The following PTPRQ variants were observed in gnomAD, a reference collection of about 807,000 sequenced individuals.
PTPRQ encodes protein tyrosine phosphatase receptor type Q.
PTPRQ carries 199 observed loss-of-function variants against 246.0 expected under a neutral mutation model. The ratio of observed to expected loss-of-function variants is 0.81; its 90% CI spans 0.72 to 0.91. The LOEUF is 0.91. Ranked by LOEUF, PTPRQ falls within the 40% of genes least tolerant of loss-of-function variation. The pLI, the probability that PTPRQ is intolerant of heterozygous loss-of-function variation, is 0.00. For synonymous variants in PTPRQ, 869 were observed against 853.2 expected, an observed-to-expected ratio of 1.02 and a Z score of -0.32; for missense variants, 2,624 against 2,528.4, an observed-to-expected ratio of 1.04 and a Z score of -0.81.
chr12:80,604,257 G>A (rs1164759025), intron 26 of PTPRQ, among the ~76,000 whole-genome samples: 7 of 151,538 alleles, frequency 4.6e-5, no homozygotes, highest in Non-Finnish European at 1.0e-4. Context: ...AGAGGTGTGT[G>A]CAGCAGTGTT....
chr12:80,478,227 C>G (rs1256026271), intron 8 of PTPRQ, among the ~76,000 whole-genome samples: 1 of 150,360 alleles, frequency 6.7e-6, no homozygotes, highest in Non-Finnish European at 1.5e-5. Context: ...TGACCCCTGA[C>G]CCCCGAGCAG....
At chr12:80,610,220 CTGGTT>C (rs1898497362) in intron 27 of PTPRQ, among the ~76,000 whole-genome samples, 2 of 150,406 alleles carry the variant, frequency 1.3e-5, no homozygotes. Context: ...TCACGGTTGG[CTGGTT>C]TGTCTTTTTT....
At chr12:80,520,256 C>T (rs868650786) in intron 17 of PTPRQ, among the ~76,000 whole-genome samples, 5 of 152,060 alleles carry the variant, frequency 3.3e-5, no homozygotes, top group Admixed American at 3.3e-4. Context: ...AATCCTGTGG[C>T]GGTTTCCCCC....
chr12:80,477,592 G>T (rs187669785), intron 8 of PTPRQ, among the ~76,000 whole-genome samples: 1 of 152,314 alleles, frequency 6.6e-6, no homozygotes, highest in African/African-American at 2.4e-5. Flanking sequence ...CAGAAGACGG[G>T]TGATTTCTGC....
intron 20 of PTPRQ, among the ~76,000 whole-genome samples, 179 bp downstream of exon 20, chr12:80,540,123 C>A (rs912954537): frequency 6.6e-6 from 1 of 152,020 alleles, no homozygotes; most frequent in Non-Finnish European, 1.5e-5. Context: ...CTCTTCTGTT[C>A]AAGAAAACTG....
intron 17 of PTPRQ, chr12:80,525,787 G>A (rs1326852755): frequency 6.6e-6 from 1 of 151,770 alleles, no homozygotes; most frequent in Non-Finnish European, 1.5e-5. Flanking sequence ...CCTAAATAAT[G>A]TGGATACTAT....
intron 26 of PTPRQ, among the ~76,000 whole-genome samples, chr12:80,594,345 G>C (rs1897899606): frequency 6.6e-6 from 1 of 152,090 alleles, no homozygotes; most frequent in Admixed American, 6.6e-5. Flanking sequence ...AGTTCATTTG[G>C]TGGCAGTGCA....
At chr12:80,653,594 G>T (rs12318841) in intron 38 of PTPRQ, among the ~76,000 whole-genome samples, 9,190 of 152,190 alleles carry the variant, frequency 0.06, 345 homozygotes, top group South Asian at 0.18. Flanking sequence ...ATACATCTGT[G>T]TGTGTATATA....
At chr12:80,623,032 T>C (rs934175842) in intron 33 of PTPRQ, among the ~76,000 whole-genome samples, 1 of 152,082 alleles carries the variant, frequency 6.6e-6, no homozygotes, top group African/African-American at 2.4e-5. Context: ...AGTTTATTCG[T>C]CTTAAAGAAT....
At chr12:80,617,731 A>C (rs1898816948) in intron 30 of PTPRQ, among the ~76,000 whole-genome samples, 1 of 151,404 alleles carries the variant, frequency 6.6e-6, no homozygotes. Context: ...TCCTAGAGAA[A>C]TTATGTTTTC....
At chr12:80,455,124 G>A (rs1003261443) in intron 3 of PTPRQ, among the ~76,000 whole-genome samples, 5 of 152,090 alleles carry the variant, frequency 3.3e-5, no homozygotes, top group African/African-American at 9.7e-5. Context: ...AGTGAGCTGA[G>A]ATCATGCCAT....
chr12:80,541,532 A>G (rs763634788), intron 20 of PTPRQ, 23 bp from the exon 21 acceptor site: 40 of 1,415,164 alleles, frequency 2.8e-5, no homozygotes, highest in Middle Eastern at 1.8e-4. Context: ...TGATTTTTGT[A>G]TTTTGCCCAT....
At chr12:80,613,921 C>T (rs951865310) in intron 29 of PTPRQ, 85 bp downstream of exon 29, 10 of 1,357,118 alleles carry the variant, frequency 7.4e-6, no homozygotes, top group Non-Finnish European at 8.6e-6. Context: ...AGTTTGTGTA[C>T]ACATGACATT....
chr12:80,551,799 G>T (rs1896482529), intron 25 of PTPRQ, among the ~76,000 whole-genome samples: 1 of 150,844 alleles, frequency 6.6e-6, no homozygotes, highest in African/African-American at 2.4e-5. Flanking sequence ...CATTTATTTA[G>T]CATGCTATTT....
chr12:80,507,415 C>T (rs892845811), intron 16 of PTPRQ, among the ~76,000 whole-genome samples: 7 of 151,820 alleles, frequency 4.6e-5, no homozygotes, highest in African/African-American at 9.7e-5. Context: ...AAGTATCATA[C>T]GTGTTTGTGG....
rs1309657795 is a variant in PTPRQ, at chr12:80,541,608, A to G, written c.3208A>G (p.Ile1070Val). 6 of 1,544,422 alleles carry G rather than the reference A, an allele frequency of 3.9e-6. No homozygotes were observed. In the East Asian group the frequency reaches 9.8e-5, roughly 25 times the overall value. Residue 1070 changes from isoleucine to valine, a missense_variant, in exon 21 of 45, where the codon ATA becomes GTA. Coordinates refer to ENST00000644991, the MANE Select transcript of PTPRQ (RefSeq NM_001145026.2). ...TTACGAATCCATTTCGTCAACTGCA[A>G]TAAATGTAAGCTGGGTCCCACCGGC... ...LTYESISSTA[I>V]NVSWVPPAQP...
intron 25 of PTPRQ, among the ~76,000 whole-genome samples, chr12:80,571,120 A>C (rs963914444): frequency 6.6e-6 from 1 of 152,126 alleles, no homozygotes; most frequent in Admixed American, 6.5e-5. Context: ...TTCTGTGAAG[A>C]AAGTCAATGG....
intron 14 of PTPRQ, among the ~76,000 whole-genome samples, chr12:80,504,035 C>A (rs1894880521): frequency 6.6e-6 from 1 of 151,234 alleles, no homozygotes; most frequent in Admixed American, 6.6e-5. Flanking sequence ...AAAATTTCTG[C>A]TTGAGATTTA....
At chr12:80,609,542 G>A (rs769172858) in intron 27 of PTPRQ, among the ~76,000 whole-genome samples, 24 of 150,540 alleles carry the variant, frequency 1.6e-4, no homozygotes, top group Non-Finnish European at 3.4e-4. Context: ...AGCAAGTTTA[G>A]TTATGTTTAA....
Sources: gnomAD v4.1 joint callset for allele counts (sites outside exome capture counted in the v4.1 genomes callset) on GRCh38, gnomAD v4.1.1 for gene constraint, MANE v1.5 for transcripts, NCBI Gene and HGNC (gene_info 2026-07-23, HGNC 2026-07-21) for gene names.